Variants in CTNNA3 observed in about 807,000 individuals in gnomAD.
CTNNA3 encodes catenin alpha 3.
In CTNNA3, 76 loss-of-function variants were observed where a neutral mutation model predicts 95.7. The ratio of observed to expected loss-of-function variants is 0.79; its 90% CI spans 0.66 to 0.96. The LOEUF (loss-of-function observed/expected upper bound fraction) is 0.96, where lower values mean the gene tolerates loss of function less well. Among genes scored for constraint, CTNNA3 ranks in the 40% least tolerant of loss-of-function variants. The probability of loss-of-function intolerance (pLI) is 0.00; values close to 1 mark genes in which losing one functional copy is unlikely to be tolerated. For synonymous variants in CTNNA3, 431 were observed against 374.4 expected (o/e 1.15, Z -1.74); for missense variants, 1,191 against 1,089.8 (o/e 1.09, Z -1.31).
chr10:65,958,832 C>G (rs2077784193), intron 17 of CTNNA3, among the ~76,000 whole-genome samples: 1 of 152,194 alleles, frequency 6.6e-6, no homozygotes, highest in Non-Finnish European at 1.5e-5. Flanking sequence ...TTAGGCTACT[C>G]AGGGTTCAGA....
At chr10:66,057,382 T>A (rs112561387) in intron 15 of CTNNA3, among the ~76,000 whole-genome samples, 1,703 of 152,252 alleles carry the variant, frequency 0.011, 14 homozygotes, top group Non-Finnish European at 0.018. Context: ...TACTACAGAG[T>A]TTAGAAATTG....
intron 7 of CTNNA3, among the ~76,000 whole-genome samples, chr10:66,845,734 A>ATAAATAAAT (rs1564719932): frequency 1.0e-5 from 1 of 99,588 alleles, no homozygotes; most frequent in Non-Finnish European, 2.2e-5. Context: ...AAAAAACTAA[A>ATAAATAAAT]AAGGTGAGAT....
intron 10 of CTNNA3, among the ~76,000 whole-genome samples, chr10:66,535,397 T>C (rs944181240): frequency 3.3e-5 from 5 of 152,190 alleles, no homozygotes; most frequent in African/African-American, 1.2e-4. Flanking sequence ...TTCAATGGGC[T>C]ATGTATAGAA....
At chr10:67,117,044 T>C (rs759146463) in intron 7 of CTNNA3, among the ~76,000 whole-genome samples, 3 of 151,742 alleles carry the variant, frequency 2.0e-5, no homozygotes, top group Non-Finnish European at 4.4e-5. Flanking sequence ...TCAGAATAAA[T>C]AAGACAGAAA....
chr10:67,104,245 G>A (rs531534757), intron 7 of CTNNA3, among the ~76,000 whole-genome samples: 6 of 151,806 alleles, frequency 4.0e-5, no homozygotes, highest in Non-Finnish European at 7.4e-5. Context: ...GTCGCAAACT[G>A]TAGCAATGAC....
Position 66,639,801 on chromosome 10 carries a change from G to T in CTNNA3, c.1282-18017C>A, listed in dbSNP as rs188207507. On this transcript the variant is annotated intron_variant, in intron 9 of 17. Coordinates refer to ENST00000433211, the MANE Select transcript of CTNNA3 (RefSeq NM_013266.4). ...TGTCCTTTTATGTTTAAATAAGTAT[G>T]CATGTAAAGCTAAAATAACATGAAT... is the stretch of plus-strand genomic sequence containing the variant. 5.7e-4 allele frequency among the ~76,000 whole-genome samples: 86 copies of T among 152,196 alleles called. 1 individual carries two copies. The highest frequency in any genetic ancestry group is 2.8e-3 in the Admixed American group (43 of 15,290).
chr10:67,521,180 G>A (rs554145712), intron 5 of CTNNA3, among the ~76,000 whole-genome samples: 91 of 152,304 alleles, frequency 6.0e-4, no homozygotes, highest in Middle Eastern at 3.4e-3. Flanking sequence ...GTGAGCTACT[G>A]TGGCAGTGTC....
intron 5 of CTNNA3, among the ~76,000 whole-genome samples, chr10:67,303,732 G>C (rs1840422003): frequency 6.6e-6 from 1 of 152,092 alleles, no homozygotes; most frequent in African/African-American, 2.4e-5. Flanking sequence ...AGAAATGTCA[G>C]GGATTGTTAC....
intron 7 of CTNNA3, among the ~76,000 whole-genome samples, chr10:66,978,495 C>T (rs1385573175): frequency 8.6e-6 from 1 of 116,550 alleles, no homozygotes; most frequent in Non-Finnish European, 1.7e-5. Context: ...CCACTGCACT[C>T]CAGCCTGGAT....
intron 7 of CTNNA3, among the ~76,000 whole-genome samples, chr10:66,930,213 T>G (rs1306113910): frequency 2.0e-5 from 3 of 152,220 alleles, no homozygotes; most frequent in African/African-American, 7.2e-5. Context: ...CAAGGTACTT[T>G]GATATTGATT....
At chr10:67,574,717 A>G (rs1842088703) in intron 3 of CTNNA3, among the ~76,000 whole-genome samples, 1 of 151,328 alleles carries the variant, frequency 6.6e-6, no homozygotes, top group African/African-American at 2.4e-5. Flanking sequence ...ACAAGCTGGG[A>G]CTACAGGCAC....
rs1380295124 is a variant in CTNNA3, at chr10:65,944,886, A to ATCTATCTATCTATCTT, written c.2400+21725_2400+21726insAAGATAGATAGATAGA. 6.3e-3 allele frequency among the ~76,000 whole-genome samples: 875 copies of ATCTATCTATCTATCTT among 138,294 alleles called. 10 individuals are homozygous for ATCTATCTATCTATCTT. The highest frequency in any genetic ancestry group is 0.021 in the African/African-American group (841 of 39,552). The allele number at this position is 138,294 out of a possible 152,430, so 90.7% of individuals were successfully genotyped here. A position where few individuals can be genotyped will look rare whatever the true frequency, so the allele number is the denominator to read the frequency against. On this transcript the variant is annotated intron_variant, in intron 17 of 17. Coordinates refer to ENST00000433211, the MANE Select transcript of CTNNA3 (RefSeq NM_013266.4). ...TATCTATCTATCTATCTATCTATCT[A>ATCTATCTATCTATCTT]TCTATCTATCTATCATCTATCTATC...
chr10:67,203,424 T>C (rs965954544), intron 6 of CTNNA3, among the ~76,000 whole-genome samples: 9 of 152,196 alleles, frequency 5.9e-5, no homozygotes, highest in African/African-American at 2.2e-4. Context: ...CTTTCCTCTA[T>C]AAATTATCCA....
intron 11 of CTNNA3, among the ~76,000 whole-genome samples, chr10:66,415,224 A>T (rs2093137240): frequency 6.6e-6 from 1 of 151,968 alleles, no homozygotes; most frequent in African/African-American, 2.4e-5. Flanking sequence ...CATCATCCCC[A>T]TGCCACAGCA....
At chr10:66,885,984 G>T (rs1465815336) in intron 7 of CTNNA3, among the ~76,000 whole-genome samples, 1 of 151,982 alleles carries the variant, frequency 6.6e-6, no homozygotes, top group East Asian at 1.9e-4. Context: ...AAAATGTATA[G>T]AAATGTCTAT....
At chr10:67,143,061 G>A (rs1860659302) in intron 7 of CTNNA3, among the ~76,000 whole-genome samples, 2 of 152,080 alleles carry the variant, frequency 1.3e-5, no homozygotes, top group East Asian at 1.9e-4. Context: ...GGTGGTTGCT[G>A]AAGGTTAGGG....
chr10:67,326,155 A>G (rs1196696825), intron 5 of CTNNA3, among the ~76,000 whole-genome samples: 1 of 152,168 alleles, frequency 6.6e-6, no homozygotes, highest in African/African-American at 2.4e-5. Context: ...AAGACAGCAT[A>G]CTATGATTTT....
chr10:66,395,738 C>T (rs2092970573), intron 11 of CTNNA3, among the ~76,000 whole-genome samples: 1 of 151,980 alleles, frequency 6.6e-6, no homozygotes, highest in Non-Finnish European at 1.5e-5. Context: ...ATTTCACCAG[C>T]ATCAGTAATT....
At chr10:67,731,855 TTTG>T (rs1167956453) in intron 1 of CTNNA3, among the ~76,000 whole-genome samples, 4 of 149,092 alleles carry the variant, frequency 2.7e-5, no homozygotes, top group Non-Finnish European at 2.9e-5. Context: ...ATCATTAGTT[TTTG>T]TTGTTGTTGT....
Sources: allele counts gnomAD v4.1 joint callset (sites outside exome capture counted in the v4.1 genomes callset), GRCh38; gene constraint gnomAD v4.1.1; transcripts MANE v1.5; gene names NCBI Gene and HGNC (gene_info 2026-07-23, HGNC 2026-07-21).